The following CYP7B1 variants were observed in gnomAD, a reference collection of about 807,000 sequenced individuals.
The protein encoded by CYP7B1 is cytochrome P450 7B1.
In CYP7B1, 29 loss-of-function variants were observed where a neutral mutation model predicts 42.7. That is an observed-to-expected ratio of 0.68 (90% CI 0.51 to 0.93). CYP7B1 has a LOEUF of 0.93. Among genes scored for constraint, CYP7B1 ranks in the 40% least tolerant of loss-of-function variants. CYP7B1 has a pLI of 0.00. For synonymous variants in CYP7B1, 235 were observed against 218.2 expected (o/e 1.08, Z -0.68); for missense variants, 655 against 600.5 (o/e 1.09, Z -0.95).
At chr8:64,657,580 T>C (rs923765621) in intron 1 of CYP7B1, among the ~76,000 whole-genome samples, 3 of 152,178 alleles carry the variant, frequency 2.0e-5, no homozygotes, top group Non-Finnish European at 4.4e-5. Context: ...ACTTGTCACA[T>C]TGCCAAACAG....
chr8:64,749,266 A>G (rs1156742020), intron 1 of CYP7B1, among the ~76,000 whole-genome samples: 1 of 151,886 alleles, frequency 6.6e-6, no homozygotes, highest in African/African-American at 2.4e-5. Flanking sequence ...TTTTTAGTAG[A>G]GACGGGGTTT....
chr8:64,647,641 A>T (rs1053505241), intron 1 of CYP7B1, among the ~76,000 whole-genome samples: 2 of 152,192 alleles, frequency 1.3e-5, no homozygotes, highest in Non-Finnish European at 2.9e-5. Flanking sequence ...TGTAAATTCC[A>T]GTCCAGAAGC....
rs1171111794 is a variant in CYP7B1, at chr8:64,631,318, C to T, written c.123-6779G>A. On this transcript the variant is annotated intron_variant, in intron 1 of 5. Coordinates refer to ENST00000310193, the MANE Select transcript of CYP7B1 (RefSeq NM_004820.5). ...GAATTAATGTAATCCATTGCACCAA[C>T]AGGCTAAAGAAAAAAAATCATCTGC... 1.3e-5 allele frequency among the ~76,000 whole-genome samples: 2 copies of T among 152,002 alleles called. 1 individual carries two copies. The highest frequency in any genetic ancestry group is 2.9e-5 in the Non-Finnish European group (2 of 67,988).
chr8:64,598,300 A>AC (rs1177271099), intron 5 of CYP7B1, among the ~76,000 whole-genome samples: 3 of 152,168 alleles, frequency 2.0e-5, no homozygotes, highest in African/African-American at 4.8e-5. Context: ...GAACAAGGAC[A>AC]CCCTTTGTTG....
chr8:64,673,157 A>G (rs1806392117), intron 1 of CYP7B1, among the ~76,000 whole-genome samples: 1 of 152,118 alleles, frequency 6.6e-6, no homozygotes, highest in South Asian at 2.1e-4. Context: ...GAAAAATTTC[A>G]TGGGGGATGT....
At chr8:64,755,835 A>G (rs1299012789) in intron 1 of CYP7B1, among the ~76,000 whole-genome samples, 2 of 152,248 alleles carry the variant, frequency 1.3e-5, no homozygotes, top group Non-Finnish European at 2.9e-5. Context: ...ACTAATGGAA[A>G]GAATGAAATT....
downstream of CYP7B1, chr8:64,587,888 CT>C (rs1219111343): frequency 6.6e-5 from 10 of 152,186 alleles, no homozygotes; most frequent in Admixed American, 6.5e-4. Context: ...CCCAACCCCA[CT>C]ACATATATGA....
intron 4 of CYP7B1, among the ~76,000 whole-genome samples, chr8:64,612,248 C>A (rs1478828137): frequency 6.6e-6 from 1 of 152,020 alleles, no homozygotes; most frequent in Non-Finnish European, 1.5e-5. Context: ...GTTTCTCAAA[C>A]TTCCATTCTA....
chr8:64,692,520 GGA>G (rs2129632246), intron 1 of CYP7B1, among the ~76,000 whole-genome samples: 1 of 152,258 alleles, frequency 6.6e-6, no homozygotes, highest in East Asian at 1.9e-4. Flanking sequence ...TTAGAGAAGT[GGA>G]GAGAGAACAG....
At chr8:64,734,944 G>C (rs1303879929) in intron 1 of CYP7B1, among the ~76,000 whole-genome samples, 2 of 152,196 alleles carry the variant, frequency 1.3e-5, no homozygotes, top group African/African-American at 2.4e-5. Flanking sequence ...AGGACAATAG[G>C]CTCCCTAGAC....
chr8:64,611,515 C>A lies in CYP7B1; in HGVS notation c.1057+3511G>T, dbSNP rs149133182. Among the ~76,000 whole-genome samples, 1,020 of 152,260 alleles carry A rather than the reference C, an allele frequency of 6.7e-3. 9 individuals are homozygous for A. Among genetic ancestry groups the A allele is most frequent in the Non-Finnish European group, 0.01 (702 of 68,006 alleles). ...TTTCTGTATTCTCCTCCCACACCAA[C>A]TACTCACAATCGGCTTCAAAATCTT... On this transcript the variant is annotated intron_variant, in intron 4 of 5. Transcript: ENST00000310193.
chr8:64,737,389 C>A (rs1428922108), intron 1 of CYP7B1, among the ~76,000 whole-genome samples: 1 of 152,142 alleles, frequency 6.6e-6, no homozygotes, highest in Non-Finnish European at 1.5e-5. Context: ...TAGATTTGGA[C>A]CACTTTGGCC....
At chr8:64,673,285 C>T (rs1806394390) in intron 1 of CYP7B1, among the ~76,000 whole-genome samples, 1 of 152,136 alleles carries the variant, frequency 6.6e-6, no homozygotes, top group Non-Finnish European at 1.5e-5. Flanking sequence ...TTCCCCTTGG[C>T]CTTCAGCTCT....
intron 1 of CYP7B1, among the ~76,000 whole-genome samples, chr8:64,772,897 C>A (rs1341393966): frequency 6.6e-6 from 1 of 152,116 alleles, no homozygotes; most frequent in East Asian, 1.9e-4. Flanking sequence ...CTGGCTGTAC[C>A]CTCTGACTGG....
At chr8:64,749,349 G>A (rs1184354959) in intron 1 of CYP7B1, among the ~76,000 whole-genome samples, 2 of 152,138 alleles carry the variant, frequency 1.3e-5, no homozygotes, top group Admixed American at 6.6e-5. Flanking sequence ...CCAAAGTGCT[G>A]GGATTACAGG....
intron 4 of CYP7B1, among the ~76,000 whole-genome samples, chr8:64,613,994 A>G (rs1408913692): frequency 6.6e-6 from 1 of 152,160 alleles, no homozygotes; most frequent in East Asian, 1.9e-4. Context: ...GCTCGCCTAC[A>G]TTGTCAAAGG....
intron 4 of CYP7B1, among the ~76,000 whole-genome samples, chr8:64,610,972 CTT>C (rs949266797): frequency 2.0e-5 from 3 of 152,096 alleles, no homozygotes; most frequent in Non-Finnish European, 4.4e-5. Flanking sequence ...ACATAAAACA[CTT>C]AACACAGTGG....
At chr8:64,692,572 T>TTAG (rs1203959671) in intron 1 of CYP7B1, among the ~76,000 whole-genome samples, 1 of 152,128 alleles carries the variant, frequency 6.6e-6, no homozygotes, top group Non-Finnish European at 1.5e-5. Context: ...ACAGGTATAA[T>TTAG]TACGTAAAGG....
intron 1 of CYP7B1, among the ~76,000 whole-genome samples, chr8:64,712,824 T>A (rs886972283): frequency 6.6e-6 from 1 of 151,734 alleles, no homozygotes. Context: ...TATAATTAAT[T>A]TTCTTAAAAC....
Sources: gnomAD v4.1 joint callset for allele counts (sites outside exome capture counted in the v4.1 genomes callset) on GRCh38, gnomAD v4.1.1 for gene constraint, MANE v1.5 for transcripts, NCBI Gene and HGNC (gene_info 2026-07-23, HGNC 2026-07-21) for gene names.